The following TTC33 variants were observed in gnomAD, a reference collection of about 807,000 sequenced individuals.
The protein encoded by TTC33 is tetratricopeptide repeat domain 33.
In TTC33, 24 loss-of-function variants were observed where a neutral mutation model predicts 29.4. That is an observed-to-expected ratio of 0.82 (90% CI 0.59 to 1.15). The LOEUF (loss-of-function observed/expected upper bound fraction) is 1.15, where lower values mean the gene tolerates loss of function less well. Ranked by LOEUF, TTC33 falls within the 50% of genes most tolerant of loss-of-function variation. TTC33 has a pLI of 0.00. For missense variants in TTC33, 286 were observed against 310.4 expected, an observed-to-expected ratio of 0.92 and a Z score of 0.59; for synonymous variants, 107 against 100.3, an observed-to-expected ratio of 1.07 and a Z score of -0.40.
At chr5:40,732,455 A>T (rs1742453840) in intron 2 of TTC33, among the ~76,000 whole-genome samples, 1 of 151,590 alleles carries the variant, frequency 6.6e-6, no homozygotes, top group Non-Finnish European at 1.5e-5. Context: ...TTCTGTAACT[A>T]TATCAAGTAT....
chr5:40,726,703 T>G (rs1742296551), intron 4 of TTC33, among the ~76,000 whole-genome samples: 1 of 152,104 alleles, frequency 6.6e-6, no homozygotes, highest in South Asian at 2.1e-4. Flanking sequence ...TATCTCCGTC[T>G]CACCTGCAGT....
At chr5:40,727,653 A>G (rs145058008) in intron 4 of TTC33, among the ~76,000 whole-genome samples, 7 of 152,318 alleles carry the variant, frequency 4.6e-5, no homozygotes, top group African/African-American at 1.4e-4. Context: ...TGTATAATCT[A>G]TCAGCGGTTT....
chr5:40,747,107 G>T, intron 1 of TTC33, 88 bp from the exon 2 acceptor site: 1 of 1,171,240 alleles, frequency 8.5e-7, no homozygotes, highest in Non-Finnish European at 1.2e-6. Flanking sequence ...TGCCCAGGCT[G>T]GAGTACGATG....
At chr5:40,728,592 G>A (rs564155680) in intron 3 of TTC33, 116 bp from the exon 4 acceptor site, 27 of 1,007,236 alleles carry the variant, frequency 2.7e-5, no homozygotes, top group Middle Eastern at 2.3e-4. Context: ...ATAGCATTTC[G>A]GTGATTTTTA....
At chr5:40,716,566 G>T in intron 4 of TTC33, 68 bp from the exon 5 acceptor site, 1 of 1,019,406 alleles carries the variant, frequency 9.8e-7, no homozygotes, top group Non-Finnish European at 1.5e-6. Context: ...AATCCTGTGT[G>T]TTTACGTACA....
chr5:40,748,516 TG>T (rs1238803854), intron 1 of TTC33, among the ~76,000 whole-genome samples: 2 of 152,194 alleles, frequency 1.3e-5, no homozygotes, highest in African/African-American at 4.8e-5. Flanking sequence ...ATTTTTTCTT[TG>T]GTGTGATAAT....
In TTC33 at chr5:40,731,005, C is replaced by T. The variant is rs567691304; in HGVS notation, c.222-662G>A. Among the ~76,000 whole-genome samples, 7 of 152,214 alleles carry T rather than the reference C, an allele frequency of 4.6e-5. No homozygotes were observed. In the South Asian group the frequency reaches 1.0e-3, roughly 23 times the overall value. On this transcript the variant is annotated intron_variant, in intron 2 of 4. Transcript: ENST00000337702. ...TAACCTCTAAAAGCAGTAACTATAT[C>T]ACCTAAAAAGAAAGTACTTGCACTT...
Position 40,735,329 on chromosome 5 carries a change from C to T in TTC33, c.222-4986G>A, listed in dbSNP as rs184099516. ...CACAGGAAGGCTAGATATGAGACAACCAAAGTAATTTAGGTATGAGATAAC... is the reference window on the plus strand; with the variant it reads ...CACAGGAAGGCTAGATATGAGACAATCAAAGTAATTTAGGTATGAGATAAC... On this transcript the variant is annotated intron_variant, in intron 2 of 4. Transcript: ENST00000337702. Among the ~76,000 whole-genome samples the T allele has an allele frequency of 2.6e-5, 4 of 151,890 alleles. No homozygotes were observed. In the East Asian group the frequency reaches 7.7e-4, roughly 29 times the overall value.
intron 2 of TTC33, among the ~76,000 whole-genome samples, chr5:40,741,283 G>A (rs1742687861): frequency 6.6e-6 from 1 of 152,158 alleles, no homozygotes; most frequent in Non-Finnish European, 1.5e-5. Flanking sequence ...CTTCCCTCTA[G>A]GGATAGTGTA....
At chr5:40,736,022 A>G (rs1002216743) in intron 2 of TTC33, among the ~76,000 whole-genome samples, 6 of 152,322 alleles carry the variant, frequency 3.9e-5, no homozygotes, top group African/African-American at 1.4e-4. Context: ...GCATGCCAGC[A>G]AGAAGGACCG....
intron 4 of TTC33, among the ~76,000 whole-genome samples, chr5:40,720,669 T>G (rs1303145792): frequency 5.3e-5 from 8 of 152,118 alleles, no homozygotes; most frequent in Non-Finnish European, 1.5e-5. Context: ...TCAGCAACAA[T>G]TCACAAACAA....
In TTC33 at chr5:40,713,632, G is replaced by C. The variant is rs1484621330; in HGVS notation, c.*2513C>G. 6.6e-6 allele frequency among the ~76,000 whole-genome samples: 1 copy of C among 152,108 alleles called. No individual in the cohort carries two copies. Among genetic ancestry groups the C allele is most frequent in the Non-Finnish European group, 1.5e-5 (1 of 67,998 alleles). On this transcript the variant is annotated 3_prime_UTR_variant, in exon 5 of 5. Transcript: ENST00000337702. ...TTCTAGAGAATGATATATGATTCTT[G>C]TGTTATCAGGCATGGTCTGGATGTC...
chr5:40,731,088 T>C (rs1459523998), intron 2 of TTC33, among the ~76,000 whole-genome samples: 1 of 152,196 alleles, frequency 6.6e-6, no homozygotes, highest in Non-Finnish European at 1.5e-5. Context: ...CAAATGTTAT[T>C]GTAGATGTGA....
chr5:40,736,383 T>C (rs551053371), intron 2 of TTC33, among the ~76,000 whole-genome samples: 3 of 152,284 alleles, frequency 2.0e-5, no homozygotes, highest in South Asian at 2.1e-4. Flanking sequence ...AAGAACAAAA[T>C]GCATGGTAAA....
chr5:40,728,689 A>C (rs548002985), intron 3 of TTC33, among the ~76,000 whole-genome samples: 1 of 152,094 alleles, frequency 6.6e-6, no homozygotes, highest in Non-Finnish European at 1.5e-5. Flanking sequence ...TTCCCTTTCC[A>C]GTTATTGAAT....
At chr5:40,735,993 A>G (rs1386421140) in intron 2 of TTC33, among the ~76,000 whole-genome samples, 1 of 152,192 alleles carries the variant, frequency 6.6e-6, no homozygotes, top group Non-Finnish European at 1.5e-5. Flanking sequence ...TTTTAAATGG[A>G]TGTTATCAGG....
chr5:40,716,054 TCTC>T lies in TTC33; in HGVS notation c.*88_*90del. 9.3e-7 allele frequency: 1 copy of T among 1,079,442 alleles called. No individual in the cohort carries two copies. Among genetic ancestry groups the T allele is most frequent in the East Asian group, 2.6e-5 (1 of 38,972 alleles). 66.9% of individuals were successfully genotyped at this position (1,079,442 alleles called of 1,614,324 possible). On this transcript the variant is annotated 3_prime_UTR_variant, in exon 5 of 5. Transcript: ENST00000337702. The stretch of plus-strand genomic sequence containing the variant: ...AAAAACATATTTTACAACCAGGCGT[TCTC>T]CTATCTATCTCCAGAGTAAATGTCT...
chr5:40,753,991 G>A (rs1454701223), intron 1 of TTC33, among the ~76,000 whole-genome samples: 2 of 152,040 alleles, frequency 1.3e-5, no homozygotes, highest in Non-Finnish European at 2.9e-5. Flanking sequence ...AAAGGAAAAA[G>A]TGAGAAACAG....
chr5:40,728,422 C>T lies in TTC33; in HGVS notation c.358G>A (p.Val120Ile), dbSNP rs139469375. 2.0e-5 allele frequency: 32 copies of T among 1,613,740 alleles called. No individual in the cohort carries two copies. The highest frequency in any genetic ancestry group is 5.3e-5 in the African/African-American group (4 of 74,884). ...FPAVHAAEMAVQQNPHSWESW... is the reference protein window; with the variant it reads ...FPAVHAAEMAIQQNPHSWESW... ...TCCCATGAATGTGGATTTTGCTGGACGGCCATTTCTGCTGCATGTACTGCT... is the reference window on the plus strand; with the variant it reads ...TCCCATGAATGTGGATTTTGCTGGATGGCCATTTCTGCTGCATGTACTGCT... Residue 120 changes from valine to isoleucine, a missense_variant, in exon 4 of 5, where the codon GTC becomes ATC. Transcript: ENST00000337702.
Sources: gnomAD v4.1 joint callset for allele counts (sites outside exome capture counted in the v4.1 genomes callset) on GRCh38, gnomAD v4.1.1 for gene constraint, MANE v1.5 for transcripts, NCBI Gene and HGNC (gene_info 2026-07-23, HGNC 2026-07-21) for gene names.